ZP3: variants seen among roughly 807,000 people sequenced by gnomAD.
ZP3 encodes zona pellucida sperm-binding protein 3.
In ZP3, 21 loss-of-function variants were observed where a neutral mutation model predicts 35.6. That is an observed-to-expected ratio of 0.59 (90% CI 0.42 to 0.85). The LOEUF (loss-of-function observed/expected upper bound fraction) is 0.85. Among genes scored for constraint, ZP3 ranks in the 40% least tolerant of loss-of-function variants. The pLI, the probability that ZP3 is intolerant of heterozygous loss-of-function variation, is 0.00. For missense variants in ZP3, 437 were observed against 536.5 expected (o/e 0.81, Z 1.83); for synonymous variants, 207 against 214.5 (o/e 0.96, Z 0.31).
chr7:76,435,170 C>A (rs1195399661), intron 5 of ZP3, among the ~76,000 whole-genome samples: 141 of 152,248 alleles, frequency 9.3e-4, no homozygotes, highest in Non-Finnish European at 1.8e-3. Flanking sequence ...CACGGTGAAA[C>A]CCCCTCTACT....
rs1023396655 is a variant in ZP3 at position 76,433,544 on chromosome 7, A to G, written c.610A>G (p.Thr204Ala). The change falls in exon 4 of 8, where the codon ACT becomes GCT. Residue 204 changes from threonine (T) to alanine (A), a missense_variant. By Grantham distance (58) the Thr-to-Ala change is moderately conservative. This residue lies in a region of ZP3 where 352 missense variants were observed against 308.4 expected (regional missense o/e 1.14). Coordinates refer to ENST00000394857, the MANE Select transcript of ZP3 (RefSeq NM_001110354.2). ...AGCCCACCTCCAGGCAGAAATCCAC[A>G]CTGGCAGCCACGTGCCACTGCGGTT... The part of the protein sequence containing the change: ...DAAHLQAEIH[T>A]GSHVPLRLFV... 12 of 1,614,128 alleles carry G rather than the reference A, an allele frequency of 7.4e-6. No individual in the cohort carries two copies. The highest frequency in any genetic ancestry group is 1.0e-5 in the Non-Finnish European group (12 of 1,180,014).
intron 1 of ZP3, chr7:76,429,286 G>T: frequency 1.9e-6 from 1 of 517,832 alleles, no homozygotes; most frequent in Non-Finnish European, 3.5e-6. Flanking sequence ...GTTCTCTTTT[G>T]TAGAGATGGG....
intron 1 of ZP3, chr7:76,400,166 C>A: frequency 8.7e-7 from 1 of 1,144,188 alleles, no homozygotes; most frequent in Non-Finnish European, 1.1e-6. Flanking sequence ...GGCATTGTAG[C>A]CTCTGGCCTG....
rs557075211 is a variant in ZP3, at chr7:76,414,290, C to A, written c.-66-10762C>A. Among the ~76,000 whole-genome samples the A allele has an allele frequency of 6.6e-3, 999 of 152,280 alleles. 15 individuals are homozygous for A. The highest frequency in any genetic ancestry group is 0.022 in the African/African-American group (902 of 41,554). On this transcript the variant is annotated intron_variant, in intron 1 of 8. Coordinates refer to the ZP3 transcript ENST00000336517. ...GGGATTACAGGTGTGAGCCACTGCA[C>A]CCAGCCCCATATTAATATTTGTATT...
chr7:76,431,898 CAAA>C (rs67914265), intron 2 of ZP3, among the ~76,000 whole-genome samples: 71,367 of 144,232 alleles, frequency 0.49, 17,477 homozygotes, highest in Middle Eastern at 0.6. Context: ...GACTCCGTCT[CAAA>C]AAAAAAAAAA....
chr7:76,421,402 G>A (rs1230702974), upstream of ZP3, among the ~76,000 whole-genome samples: 2 of 151,848 alleles, frequency 1.3e-5, no homozygotes, highest in Non-Finnish European at 2.9e-5. Flanking sequence ...CTACAGGTGT[G>A]TGCCAACATG....
intron 1 of ZP3, among the ~76,000 whole-genome samples, chr7:76,427,926 TC>T (rs1326066224): frequency 6.6e-6 from 1 of 151,812 alleles, no homozygotes; most frequent in Non-Finnish European, 1.5e-5. Context: ...GCAATCCTCT[TC>T]CCTCCCAAAG....
At chr7:76,435,111 C>T (rs1805952499) in intron 5 of ZP3, among the ~76,000 whole-genome samples, 1 of 152,032 alleles carries the variant, frequency 6.6e-6, no homozygotes, top group Non-Finnish European at 1.5e-5. Context: ...CTTTGGGAGG[C>T]TGAGGCGGGC....
In ZP3 at chr7:76,403,393, A is replaced by G. The variant is rs563010500; in HGVS notation, c.-67+5596A>G. Among the ~76,000 whole-genome samples, 392 of 151,600 alleles carry G rather than the reference A, an allele frequency of 2.6e-3. 3 individuals are homozygous for G. The highest frequency in any genetic ancestry group is 8.9e-3 in the African/African-American group (369 of 41,378). On this transcript the variant is annotated intron_variant, in intron 1 of 8. Transcript: ENST00000336517. ...CGCCCTGTCACTCAGGCTGGAGTGC[A>G]ATGGCGCAATCTCAGCTCACTGCAA...
Position 76,425,011 on chromosome 7 carries a change from G to A in ZP3, c.47G>A (p.Ser16Asn), listed in dbSNP as rs1454669047. 3 of 1,573,426 alleles carry A rather than the reference G, an allele frequency of 1.9e-6. No homozygotes were observed. The highest frequency in any genetic ancestry group is 3.8e-5 in the Admixed American group (2 of 53,190). Residue 16 changes from serine (S) to asparagine (N), a missense_variant, in exon 1 of 8, where the codon AGT becomes AAT. Around this residue, in one of 6 missense-constraint regions of ZP3, gnomAD observed 352 missense variants for 308.4 expected, o/e 1.14. Transcript: ENST00000394857. Reference protein sequence around the residue: ...RLFICLLLWGSTELCYPQPLW... With the variant: ...RLFICLLLWGNTELCYPQPLW... ...TTCATCTGCCTCCTGCTCTGGGGTA[G>A]TACTGAGCTGTGCTACCCCCAACCC...
rs974817351 is a variant in ZP3 at position 76,427,651 on chromosome 7, G to A, written c.313-1864G>A. Among the ~76,000 whole-genome samples, 3 of 152,216 alleles carry A rather than the reference G, an allele frequency of 2.0e-5. No homozygotes were observed. In the East Asian group the frequency reaches 5.8e-4, roughly 29 times the overall value. ...ATAACTTTTGAATAAGGGGCCCCAC[G>A]AGCTATGCTGGTTCTGTCTGTGCTG... On this transcript the variant is annotated intron_variant, in intron 1 of 7. Coordinates refer to ENST00000394857, the MANE Select transcript of ZP3 (RefSeq NM_001110354.2).
At chr7:76,415,765 A>C (rs954831311) in intron 1 of ZP3, among the ~76,000 whole-genome samples, 1 of 150,596 alleles carries the variant, frequency 6.6e-6, no homozygotes, top group Non-Finnish European at 1.5e-5. Context: ...AAAGTGCTGC[A>C]ATTACAGGCA....
exon 1 of ZP3, chr7:76,397,570 G>A (rs769209494): frequency 6.2e-7 from 1 of 1,607,332 alleles, no homozygotes; most frequent in East Asian, 2.2e-5. Context: ...GCACACCCCA[G>A]CCCAGGCTCT....
Position 76,433,635 on chromosome 7 carries a change from T to C in ZP3, c.701T>C (p.Val234Ala), listed in dbSNP as rs1805904584. The C allele has an allele frequency of 1.9e-6, 3 of 1,608,556 alleles. No homozygotes were observed. The highest frequency in any genetic ancestry group is 2.2e-5 in the East Asian group (1 of 44,742). ...AATGCCTCCCCTTATCACACCATCG[T>C]GGACTTCCATGGGTGAGCACTGGGC... is the stretch of plus-strand genomic sequence containing the variant. ...DQNASPYHTI[V>A]DFHGCLVDGL... Residue 234 changes from valine to alanine, a missense_variant, in exon 4 of 8, where the codon GTG (valine) becomes GCG (alanine). Transcript: ENST00000394857.
chr7:76,416,884 A>G (rs570260384), intron 1 of ZP3, among the ~76,000 whole-genome samples: 93 of 140,882 alleles, frequency 6.6e-4, no homozygotes, highest in Non-Finnish European at 1.2e-3. Flanking sequence ...ATACACACAT[A>G]CATATATATA....
intron 1 of ZP3, among the ~76,000 whole-genome samples, chr7:76,411,634 T>A (rs937596218): frequency 4.0e-5 from 6 of 151,702 alleles, no homozygotes; most frequent in Admixed American, 3.3e-4. Flanking sequence ...GAAAAAAAAA[T>A]AGTTGGTGAT....
chr7:76,412,345 T>C (rs1290067453), intron 1 of ZP3, among the ~76,000 whole-genome samples: 1 of 152,088 alleles, frequency 6.6e-6, no homozygotes, highest in Non-Finnish European at 1.5e-5. Flanking sequence ...TTCAAAATGA[T>C]GAAATTGCAC....
At chr7:76,439,131 C>CAAAAAAAAAA in intron 5 of ZP3, among the ~76,000 whole-genome samples, 1 of 75,430 alleles carries the variant, frequency 1.3e-5, no homozygotes, top group Admixed American at 1.6e-4. Context: ...GACTCCACCT[C>CAAAAAAAAAA]AAAAAAAAAA....
chr7:76,430,456 C>T (rs1342474839), intron 2 of ZP3, among the ~76,000 whole-genome samples: 2 of 152,132 alleles, frequency 1.3e-5, no homozygotes, highest in South Asian at 2.1e-4. Context: ...GATGATGCGG[C>T]CAGGTATGGT....
Sources: allele counts gnomAD v4.1 joint callset (sites outside exome capture counted in the v4.1 genomes callset), GRCh38; gene constraint gnomAD v4.1.1; regional missense constraint gnomAD v4.1.1; transcripts MANE v1.5; gene names NCBI Gene and HGNC (gene_info 2026-07-23, HGNC 2026-07-21).